CFAP20DC: variants seen among roughly 807,000 people sequenced by gnomAD.
CFAP20DC encodes the protein protein CFAP20DC.
A neutral mutation model predicts 101.7 loss-of-function variants in CFAP20DC; 84 were observed. The ratio of observed to expected loss-of-function variants is 0.83; its 90% confidence interval spans 0.69 to 0.99. The LOEUF (loss-of-function observed/expected upper bound fraction) is 0.99. Among genes scored for constraint, CFAP20DC ranks in the 50% least tolerant of loss-of-function variants. CFAP20DC has a pLI of 0.00. For synonymous variants in CFAP20DC, 359 were observed against 351.2 expected, an observed-to-expected ratio of 1.02 and a Z score of -0.25; for missense variants, 1,007 against 970.3, an observed-to-expected ratio of 1.04 and a Z score of -0.50.
intron 3 of CFAP20DC, chr3:58,734,608 T>G (rs1358317792): frequency 2.2e-6 from 1 of 456,330 alleles, no homozygotes; most frequent in African/African-American, 2.0e-5. Context: ...CACAAATGGA[T>G]GTCATCCCAT....
At chr3:58,856,199 T>C (rs1419919165) in intron 12 of CFAP20DC, among the ~76,000 whole-genome samples, 1 of 151,758 alleles carries the variant, frequency 6.6e-6, no homozygotes, top group Non-Finnish European at 1.5e-5. Flanking sequence ...GGATCTTTTA[T>C]AAATATTTCT....
At chr3:58,884,398 G>A (rs963081452) in intron 7 of CFAP20DC, 147 bp downstream of exon 7, 2 of 637,906 alleles carry the variant, frequency 3.1e-6, no homozygotes, top group East Asian at 5.7e-5. Context: ...TGAGTTTGTA[G>A]CCCCTGGCGT....
chr3:58,746,059 T>C (rs1386697960), intron 16 of CFAP20DC, among the ~76,000 whole-genome samples: 1 of 152,198 alleles, frequency 6.6e-6, no homozygotes, highest in African/African-American at 2.4e-5. Context: ...CCTTATTCCC[T>C]ACCTGAAAAC....
At position 59,034,284 on chromosome 3, in the gene CFAP20DC, C is replaced by T. The variant is rs978495629; in HGVS notation, c.278+5273G>A. 2.0e-5 allele frequency among the ~76,000 whole-genome samples: 3 copies of T among 152,172 alleles called. No homozygotes were observed. In the South Asian group the frequency reaches 6.2e-4, roughly 32 times the overall value. Reference sequence around the variant, plus strand: ...CATTGACACTATGAAGAAATTGCATCAACTAAGGGGCAAAATAACCAGCTA... The same window carrying T: ...CATTGACACTATGAAGAAATTGCATTAACTAAGGGGCAAAATAACCAGCTA... On this transcript the variant is annotated intron_variant, in intron 4 of 16. Transcript: ENST00000482387.
chr3:58,752,537 A>G (rs974916849), intron 16 of CFAP20DC, among the ~76,000 whole-genome samples: 1 of 152,128 alleles, frequency 6.6e-6, no homozygotes, highest in Non-Finnish European at 1.5e-5. Flanking sequence ...TTGCTCAAGG[A>G]CCACGCTCTC....
intron 16 of CFAP20DC, among the ~76,000 whole-genome samples, chr3:58,748,740 T>A (rs1351670146): frequency 6.6e-6 from 1 of 152,034 alleles, no homozygotes; most frequent in Non-Finnish European, 1.5e-5. Flanking sequence ...CTTCCTAAAT[T>A]AAAAAAATTG....
downstream of CFAP20DC, among the ~76,000 whole-genome samples, chr3:58,738,762 ATTC>A (rs199818843): frequency 0.013 from 2,043 of 152,222 alleles, 38 homozygotes; most frequent in African/African-American, 0.046. The surrounding 1 kb of genome is among the most constrained non-coding windows in gnomAD (Gnocchi z 4.4). Context: ...GAGGAAGGTG[ATTC>A]TTAATTTTCA....
chr3:58,962,327 A>AT (rs2091209843), intron 4 of CFAP20DC, among the ~76,000 whole-genome samples: 1 of 152,098 alleles, frequency 6.6e-6, no homozygotes, highest in African/African-American at 2.4e-5. Context: ...GATTTCCTCA[A>AT]TTTTTTATCT....
At chr3:58,808,204 A>G (rs1446685522) in intron 14 of CFAP20DC, among the ~76,000 whole-genome samples, 3 of 152,194 alleles carry the variant, frequency 2.0e-5, no homozygotes, top group Non-Finnish European at 2.9e-5. Flanking sequence ...GATTCAGGAA[A>G]TACAGAGAAC....
chr3:58,783,760 G>C (rs1201673506), intron 15 of CFAP20DC, among the ~76,000 whole-genome samples: 3 of 152,014 alleles, frequency 2.0e-5, no homozygotes, highest in African/African-American at 7.2e-5. Flanking sequence ...TCTGACCCCA[G>C]TCAGAATGGC....
chr3:58,817,906 C>T (rs1559641268), intron 14 of CFAP20DC, among the ~76,000 whole-genome samples: 1 of 150,756 alleles, frequency 6.6e-6, no homozygotes, highest in Non-Finnish European at 1.5e-5. Flanking sequence ...TCGGGTTACC[C>T]TCAAAGGGAA....
intron 15 of CFAP20DC, among the ~76,000 whole-genome samples, chr3:58,783,796 A>C (rs576102918): frequency 1.3e-5 from 2 of 152,192 alleles, no homozygotes; most frequent in African/African-American, 2.4e-5. Flanking sequence ...AAAACAAAAC[A>C]AAACCCCAAA....
chr3:58,798,508 C>A (rs554234723), intron 15 of CFAP20DC, among the ~76,000 whole-genome samples: 4 of 152,288 alleles, frequency 2.6e-5, no homozygotes, highest in Admixed American at 6.5e-5. Context: ...TGAATCAACT[C>A]CTGGTGAAGA....
downstream of CFAP20DC, chr3:58,737,122 C>T (rs2067774470): frequency 2.2e-6 from 1 of 450,612 alleles, no homozygotes; most frequent in Non-Finnish European, 4.4e-6. This position sits in a 1 kb window ranked among gnomAD's most constrained non-coding sequence, Gnocchi z 4.1. Context: ...AGACCAAAGC[C>T]TCAGACTTAA....
chr3:58,947,344 AC>A (rs1389550809), intron 4 of CFAP20DC, among the ~76,000 whole-genome samples: 1 of 152,218 alleles, frequency 6.6e-6, no homozygotes, highest in Non-Finnish European at 1.5e-5. Context: ...TGCAGGATAT[AC>A]CTGATACGTC....
intron 7 of CFAP20DC, among the ~76,000 whole-genome samples, chr3:58,879,275 T>C (rs2081037723): frequency 1.3e-5 from 2 of 152,194 alleles, no homozygotes; most frequent in African/African-American, 4.8e-5. Context: ...AGTGTGTACA[T>C]GCATTGAAAT....
chr3:59,023,947 G>A (rs1169007523), intron 4 of CFAP20DC, among the ~76,000 whole-genome samples: 5 of 152,016 alleles, frequency 3.3e-5, no homozygotes, highest in Non-Finnish European at 7.4e-5. Context: ...ATCCCAAAAT[G>A]TACATAAGAT....
chr3:59,035,307 T>G (rs539088478), intron 4 of CFAP20DC, among the ~76,000 whole-genome samples: 1 of 151,906 alleles, frequency 6.6e-6, no homozygotes, highest in Non-Finnish European at 1.5e-5. Flanking sequence ...GCAAACAAAT[T>G]CAAAAGCTAG....
At chr3:58,995,381 A>C (rs1017272713) in intron 4 of CFAP20DC, among the ~76,000 whole-genome samples, 5 of 152,098 alleles carry the variant, frequency 3.3e-5, no homozygotes, top group Non-Finnish European at 4.4e-5. Context: ...CTCACTAAAA[A>C]AAAAAAAAAC....
Sources: allele counts gnomAD v4.1 joint callset (sites outside exome capture counted in the v4.1 genomes callset), GRCh38; gene constraint gnomAD v4.1.1; non-coding constraint Gnocchi (gnomAD v3.1); transcripts MANE v1.5; gene names NCBI Gene and HGNC (gene_info 2026-07-23, HGNC 2026-07-21).